RBM28: variants seen among roughly 807,000 people sequenced by gnomAD.
The protein encoded by RBM28 is RNA-binding protein 28.
RBM28 carries 78 observed loss-of-function variants against 98.3 expected under a neutral mutation model. That is an observed-to-expected ratio of 0.79 (90% CI 0.66 to 0.96). The LOEUF is 0.96. Ranked by LOEUF, RBM28 falls within the 40% of genes least tolerant of loss-of-function variation. The pLI is 0.00. For synonymous variants in RBM28, 306 were observed against 330.9 expected, an observed-to-expected ratio of 0.92 and a Z score of 0.82; for missense variants, 838 against 913.0, an observed-to-expected ratio of 0.92 and a Z score of 1.06.
chr7:128,335,484 T>A (rs1796575855), intron 8 of RBM28, 59 bp downstream of exon 8: 1 of 1,599,658 alleles, frequency 6.3e-7, no homozygotes. Flanking sequence ...TGATGCTCAT[T>A]TCCGTAACTT....
At chr7:128,341,077 C>T (rs1163678665) in intron 1 of RBM28, 2 of 1,103,872 alleles carry the variant, frequency 1.8e-6, no homozygotes, top group East Asian at 5.9e-5. Context: ...TAATTTATTG[C>T]ATCAAAAAGG....
chr7:128,339,352 T>G (rs1409199050), intron 2 of RBM28, 31 bp from the exon 3 acceptor site: 10 of 1,526,778 alleles, frequency 6.5e-6, no homozygotes, highest in Non-Finnish European at 8.1e-6. Context: ...GAATAAGTAC[T>G]CGAAAATCAC....
chr7:128,343,853 C>T lies in RBM28; in HGVS notation c.-60G>A. On this transcript the variant is annotated 5_prime_UTR_variant, in exon 1 of 19. Coordinates refer to ENST00000223073, the MANE Select transcript of RBM28 (RefSeq NM_018077.3). ...GCAAACTAGGCCGGCGCACGCGAGC[C>T]GAAACGCTGGCTTTGGTAGGACAAC... The T allele has an allele frequency of 7.9e-7, 1 of 1,263,256 alleles. No homozygotes were observed. Among genetic ancestry groups the T allele is most frequent in the Non-Finnish European group, 1.1e-6 (1 of 912,982 alleles). 78.3% of individuals were successfully genotyped at this position (1,263,256 alleles called of 1,614,324 possible).
At chr7:128,331,870 T>A (rs918754513) in intron 9 of RBM28, among the ~76,000 whole-genome samples, 1 of 152,188 alleles carries the variant, frequency 6.6e-6, no homozygotes, top group Admixed American at 6.5e-5. Context: ...AATAGCCCCA[T>A]GAATGATTCT....
At chr7:128,339,957 G>C (rs1796689007) in intron 1 of RBM28, among the ~76,000 whole-genome samples, 166 bp from the exon 2 acceptor site, 1 of 152,178 alleles carries the variant, frequency 6.6e-6, no homozygotes. Flanking sequence ...CGAGAAACAA[G>C]GGTGGTATCA....
intron 18 of RBM28, among the ~76,000 whole-genome samples, chr7:128,311,229 A>G (rs994227560): frequency 2.0e-5 from 3 of 152,160 alleles, no homozygotes; most frequent in Non-Finnish European, 4.4e-5. Flanking sequence ...CTCAAAGCAG[A>G]TGAGTCAGCA....
chr7:128,314,001 C>T (rs914364895), intron 17 of RBM28, among the ~76,000 whole-genome samples: 10 of 151,900 alleles, frequency 6.6e-5, no homozygotes, highest in South Asian at 2.1e-4. Context: ...CTCGCTCTTT[C>T]GCCCAGGCCA....
In RBM28 at chr7:128,307,607, G is replaced by A. The variant is rs1169471679; in HGVS notation, c.*3190C>T. 1 of 152,186 alleles carries A rather than the reference G, an allele frequency of 6.6e-6. No individual in the cohort carries two copies. The highest frequency in any genetic ancestry group is 1.5e-5 in the Non-Finnish European group (1 of 68,026). 9.4% of individuals were successfully genotyped at this position (152,186 alleles called of 1,614,324 possible). A position where few individuals can be genotyped will look rare whatever the true frequency, so the allele number is the denominator to read the frequency against. On this transcript the variant is annotated 3_prime_UTR_variant, in exon 19 of 19. Coordinates refer to ENST00000223073, the MANE Select transcript of RBM28 (RefSeq NM_018077.3). Reference sequence around the variant, plus strand: ...CAGGTTAACTCCAGAAGAAGGAACTGTACAGCTGAACAGAGCAGATTCTTA... The same window carrying A: ...CAGGTTAACTCCAGAAGAAGGAACTATACAGCTGAACAGAGCAGATTCTTA...
chr7:128,339,549 C>T, intron 2 of RBM28, 84 bp downstream of exon 2: 6 of 1,496,000 alleles, frequency 4.0e-6, no homozygotes, highest in East Asian at 2.3e-5. Flanking sequence ...GTTCTAGAAG[C>T]TACCTCCATG....
chr7:128,334,898 T>C (rs908081388), intron 8 of RBM28, among the ~76,000 whole-genome samples: 3 of 152,164 alleles, frequency 2.0e-5, no homozygotes, highest in African/African-American at 7.2e-5. Flanking sequence ...AGTTCACTGT[T>C]ACTTGTTCTC....
chr7:128,325,679 A>C, intron 11 of RBM28, 139 bp downstream of exon 11: 1 of 687,234 alleles, frequency 1.5e-6, no homozygotes, highest in Non-Finnish European at 2.6e-6. Context: ...TCAGTGCCTA[A>C]CACAAAGTGC....
At chr7:128,341,782 C>G (rs1276237406) in intron 1 of RBM28, among the ~76,000 whole-genome samples, 3 of 152,160 alleles carry the variant, frequency 2.0e-5, no homozygotes, top group African/African-American at 4.8e-5. Context: ...ACACTGGAAC[C>G]CAGTACATAC....
chr7:128,339,712 G>A lies in RBM28; in HGVS notation c.198C>T (p.Thr66=), dbSNP rs1482857869. The A allele has an allele frequency of 6.2e-7, 1 of 1,613,752 alleles. No individual in the cohort carries two copies. The highest frequency in any genetic ancestry group is 8.5e-7 in the Non-Finnish European group (1 of 1,179,720). Reference sequence around the variant, plus strand: ...CGTTGATCTTGCAACCTTCAAAGGTGGTAATCTCCTTGAGGGCCCTCTGAA... The same window carrying A: ...CGTTGATCTTGCAACCTTCAAAGGTAGTAATCTCCTTGAGGGCCCTCTGAA... ...EDVQRALKEI[T]TFEGCKINVT... Residue 66 remains threonine (T), a synonymous_variant, in exon 2 of 19, where the codon ACC becomes ACT. Transcript: ENST00000223073.
intron 6 of RBM28, among the ~76,000 whole-genome samples, chr7:128,336,342 A>G (rs139000242): frequency 6.6e-6 from 1 of 152,226 alleles, no homozygotes; most frequent in Admixed American, 6.5e-5. Context: ...CCATTCGTAC[A>G]TCATAGCCAG....
Position 128,310,235 on chromosome 7 carries a change from C to G in RBM28, c.*562G>C, listed in dbSNP as rs148490783. On this transcript the variant is annotated 3_prime_UTR_variant, in exon 19 of 19. Transcript: ENST00000223073. ...CTCTCTGTCAGGCCCCACCTCCCCC[C>G]ATTCTTTTCCAAGTGTCTCCGCCTG... The G allele has an allele frequency of 1.5e-3, 247 of 164,804 alleles. No homozygotes were observed. Among genetic ancestry groups the G allele is most frequent in the African/African-American group, 5.3e-3 (220 of 41,668 alleles). The allele number at this position is 164,804 out of a possible 1,614,324, so 10.2% of individuals were successfully genotyped here.
At chr7:128,332,763 T>G (rs76572492) in intron 9 of RBM28, among the ~76,000 whole-genome samples, 4,669 of 152,256 alleles carry the variant, frequency 0.031, 214 homozygotes, top group African/African-American at 0.11. Context: ...TGAGGTATAC[T>G]GAAGACATCC....
intron 3 of RBM28, 50 bp downstream of exon 3, chr7:128,339,177 G>A (rs762822171): frequency 7.0e-7 from 1 of 1,431,578 alleles, no homozygotes; most frequent in African/African-American, 1.4e-5. Flanking sequence ...ATCACATCTT[G>A]GCTCTAAAAG....
At chr7:128,340,722 G>A (rs540826074) in intron 1 of RBM28, among the ~76,000 whole-genome samples, 3 of 152,194 alleles carry the variant, frequency 2.0e-5, no homozygotes, top group Non-Finnish European at 4.4e-5. Context: ...CAGATGTTAT[G>A]ACCACTATTA....
chr7:128,313,772 G>A (rs892794838), intron 17 of RBM28, among the ~76,000 whole-genome samples: 5 of 152,120 alleles, frequency 3.3e-5, no homozygotes, highest in Admixed American at 6.5e-5. Context: ...TGCTGTTCTC[G>A]TGACGGTGAA....
Sources: allele counts gnomAD v4.1 joint callset (sites outside exome capture counted in the v4.1 genomes callset), GRCh38; gene constraint gnomAD v4.1.1; transcripts MANE v1.5; gene names NCBI Gene and HGNC (gene_info 2026-07-23, HGNC 2026-07-21).